Variants in MXRA5 observed in about 807,000 individuals in gnomAD.
MXRA5 encodes the protein matrix remodeling associated 5.
In MXRA5, 41 loss-of-function variants were observed where a neutral mutation model predicts 112.5. That is an observed-to-expected ratio of 0.36 (90% CI 0.28 to 0.47). MXRA5 has a LOEUF of 0.47. Ranked by LOEUF, MXRA5 falls within the 20% of genes least tolerant of loss-of-function variation. The pLI is 0.99. For missense variants in MXRA5, 2,150 were observed against 2,251.0 expected (o/e 0.96, Z 0.91); for synonymous variants, 862 against 900.8 (o/e 0.96, Z 0.77).
At position 3,311,359 on chromosome X, in the gene MXRA5, C is replaced by T. The variant is rs757631100; in HGVS notation, c.6844G>A (p.Gly2282Arg). The change falls in exon 7 of 7, where the codon GGG becomes AGG. Residue 2282 changes from glycine (G) to arginine (R), a missense_variant. By Grantham distance (125) the Gly-to-Arg change is moderately radical (BLOSUM62 -2). Coordinates refer to ENST00000217939, the MANE Select transcript of MXRA5 (RefSeq NM_015419.4). ...NPEISWSLPD[G>R]SLVNSFMQSD... Reference sequence around the variant, plus strand: ...TGCATGAAGGAGTTCACCAGACTCCCGTCTGGGAGGCTCCAGGAGATCTCG... The same window carrying T: ...TGCATGAAGGAGTTCACCAGACTCCTGTCTGGGAGGCTCCAGGAGATCTCG... The T allele has an allele frequency of 3.3e-6, 4 of 1,211,858 alleles. No homozygotes were observed. The highest frequency in any genetic ancestry group is 4.3e-5 in the Admixed American group (2 of 46,073).
At chrX:3,329,069 G>A (rs1921583755) in intron 4 of MXRA5, among the ~76,000 whole-genome samples, 2 of 100,434 alleles carry the variant, frequency 2.0e-5, no homozygotes, top group South Asian at 1.0e-3. Flanking sequence ...AACGAAGGAA[G>A]GAAGGAAGGA....
chrX:3,311,942 G>A (rs1475849901), intron 6 of MXRA5, among the ~76,000 whole-genome samples: 3 of 112,471 alleles, frequency 2.7e-5, no homozygotes, highest in Non-Finnish European at 5.6e-5. Flanking sequence ...CATTACAGAG[G>A]TCATTGTAAC....
At chrX:3,344,279 T>A (rs1197331584) in intron 1 of MXRA5, among the ~76,000 whole-genome samples, 2 of 112,114 alleles carry the variant, frequency 1.8e-5, no homozygotes, top group African/African-American at 6.5e-5. Flanking sequence ...ATATTGCATA[T>A]ATTTGAATTT....
chrX:3,318,106 GC>G (rs776621935), intron 5 of MXRA5, 103 bp from the exon 6 acceptor site: 38 of 652,535 alleles, frequency 5.8e-5, no homozygotes, highest in Non-Finnish European at 7.1e-5. Context: ...TAACACCCAG[GC>G]AGCAAAAGCA....
At chrX:3,316,245 C>T (rs112527542) in intron 6 of MXRA5, among the ~76,000 whole-genome samples, 1 of 87,546 alleles carries the variant, frequency 1.1e-5, no homozygotes. Context: ...ACCCGGGAGG[C>T]GGAGCTTGCA....
At position 3,322,899 on chromosome X, in the gene MXRA5, G is replaced by A. The variant is rs1316614915; in HGVS notation, c.2786C>T (p.Thr929Ile). 1 of 1,211,285 alleles carries A rather than the reference G, an allele frequency of 8.3e-7. No homozygotes were observed. Among genetic ancestry groups the A allele is most frequent in the South Asian group, 1.8e-5 (1 of 56,923 alleles). ...EPSPTLHTLDTVYEKPTHEET... is the reference protein window; with the variant it reads ...EPSPTLHTLDIVYEKPTHEET... ...TTCATGGGTGGGCTTTTCATAGACT[G>A]TGTCTAATGTGTGCAGAGTAGGAGA... The change falls in exon 5 of 7, where the codon ACA becomes ATA. Residue 929 changes from threonine to isoleucine, a missense_variant. Physicochemically the swap from Thr to Ile is moderately conservative, Grantham distance 89. Around this residue, in one of 6 missense-constraint regions of MXRA5, gnomAD observed 1,485 missense variants for 1,471.6 expected, o/e 1.01. Transcript: ENST00000217939.
intron 2 of MXRA5, among the ~76,000 whole-genome samples, chrX:3,336,090 C>T (rs901371889): frequency 3.1e-4 from 35 of 111,764 alleles, no homozygotes; most frequent in Non-Finnish European, 5.5e-4. Context: ...AGATGAGTGA[C>T]GGCATTAGAT....
chrX:3,336,768 G>A (rs1921793028), intron 2 of MXRA5, among the ~76,000 whole-genome samples: 1 of 112,394 alleles, frequency 8.9e-6, no homozygotes, highest in Admixed American at 9.5e-5. Flanking sequence ...GATGTAGTGG[G>A]CTCTGAAAAC....
chrX:3,335,727 G>A (rs1028732667), intron 2 of MXRA5, among the ~76,000 whole-genome samples: 1 of 112,255 alleles, frequency 8.9e-6, no homozygotes, highest in Non-Finnish European at 1.9e-5. Flanking sequence ...AAATGCCGAC[G>A]ACAGAGTAGA....
At position 3,321,765 on chromosome X, in the gene MXRA5, G is replaced by A. The variant is rs770187018; in HGVS notation, c.3920C>T (p.Pro1307Leu). The A allele has an allele frequency of 5.0e-6, 6 of 1,210,747 alleles. No individual in the cohort carries two copies. The South Asian group carries it at 1.1e-4, about 21-fold the overall frequency. Residue 1307 changes from proline to leucine, a missense_variant, in exon 5 of 7, where the codon CCT (proline) becomes CTT (leucine). Pro to Leu is a moderately conservative substitution (Grantham distance 98, BLOSUM62 -3). Coordinates refer to ENST00000217939, the MANE Select transcript of MXRA5 (RefSeq NM_015419.4). ...TTTRKIYSSY[P>L]KVQETLPVTY... Reference sequence around the variant, plus strand: ...GACTGGAAGTGTCTCTTGGACTTTAGGGTAAGATGAATATATTTTTCTGGT... The same window carrying A: ...GACTGGAAGTGTCTCTTGGACTTTAAGGTAAGATGAATATATTTTTCTGGT...
intron 4 of MXRA5, among the ~76,000 whole-genome samples, chrX:3,326,311 A>T (rs193047836): frequency 0.02 from 1,647 of 83,185 alleles, 53 homozygotes; most frequent in African/African-American, 0.067. Flanking sequence ...ATAATATATA[A>T]TTTGTATATA....
rs1247870080 is a variant in MXRA5 at position 3,320,621 on chromosome X, A to T, written c.5064T>A (p.Thr1688=). ...MSKPSIPSKF[T]DRRTDQFNGY... ...CATTGAATTGGTCAGTTCTTCGGTCAGTAAACTTACTAGGAATGCTGGGTT... is the reference window on the plus strand; with the variant it reads ...CATTGAATTGGTCAGTTCTTCGGTCTGTAAACTTACTAGGAATGCTGGGTT... The change falls in exon 5 of 7, where the codon ACT becomes ACA. Residue 1688 remains threonine (T), a synonymous_variant. Coordinates refer to ENST00000217939, the MANE Select transcript of MXRA5 (RefSeq NM_015419.4). 2 of 1,210,503 alleles carry T rather than the reference A, an allele frequency of 1.7e-6. No individual in the cohort carries two copies. Among genetic ancestry groups the T allele is most frequent in the African/African-American group, 3.5e-5 (2 of 57,341 alleles).
At chrX:3,341,657 G>T (rs1184600480) in intron 2 of MXRA5, among the ~76,000 whole-genome samples, 1 of 66,701 alleles carries the variant, frequency 1.5e-5, no homozygotes, top group Non-Finnish European at 2.7e-5. Context: ...TATATAATAT[G>T]TATATTTACA....
In MXRA5 at chrX:3,321,154, G is replaced by A. The variant is rs189020148; in HGVS notation, c.4531C>T (p.Pro1511Ser). 1 of 1,210,228 alleles carries A rather than the reference G, an allele frequency of 8.3e-7. No individual in the cohort carries two copies. Among genetic ancestry groups the A allele is most frequent in the Admixed American group, 2.2e-5 (1 of 45,773 alleles). The change falls in exon 5 of 7, where the codon CCA becomes TCA. Residue 1511 changes from proline to serine, a missense_variant. This residue lies in a region of MXRA5 where 1,485 missense variants were observed against 1,471.6 expected (regional missense o/e 1.01). Coordinates refer to ENST00000217939, the MANE Select transcript of MXRA5 (RefSeq NM_015419.4). ...MSLGQTTTTK[P>S]ALPSPRISQA... Reference sequence around the variant, plus strand: ...GATATTCTTGGACTGGGAAGTGCTGGCTTAGTGGTGGTGGTTTGTCCCAAA... The same window carrying A: ...GATATTCTTGGACTGGGAAGTGCTGACTTAGTGGTGGTGGTTTGTCCCAAA...
At position 3,343,669 on chromosome X, in the gene MXRA5, T is replaced by C. The variant is rs142434425; in HGVS notation, c.165A>G (p.Lys55=). Residue 55 remains lysine, a synonymous_variant, in exon 2 of 7, where the codon AAA becomes AAG. Transcript: ENST00000217939. ...ACCCCAAATTGATTCTTTCCACGTGTTTAGCAATGCCAGCGGGCACGGAAG... is the reference window on the plus strand; with the variant it reads ...ACCCCAAATTGATTCTTTCCACGTGCTTAGCAATGCCAGCGGGCACGGAAG... ...SLASVPAGIA[K]HVERINLGFN... is the part of the protein sequence containing the mutation. 2.4e-4 allele frequency: 294 copies of C among 1,210,074 alleles called. 2 individuals are homozygous for C. The African/African-American group carries it at 4.6e-3, about 19-fold the overall frequency.
rs748051788 is a variant in MXRA5, at chrX:3,309,883, G to T, written c.8320C>A (p.His2774Asn). The change falls in exon 7 of 7, where the codon CAT becomes AAT. Residue 2774 changes from histidine (H) to asparagine (N), a missense_variant. Coordinates refer to ENST00000217939, the MANE Select transcript of MXRA5 (RefSeq NM_015419.4). ...CGAGCCTGAACCCCTGCCTTCAGATGCGACTTATCCGGTAACTCCCACGTG... is the reference window on the plus strand; with the variant it reads ...CGAGCCTGAACCCCTGCCTTCAGATTCGACTTATCCGGTAACTCCCACGTG... Reference protein sequence around the residue: ...DITWELPDKSHLKAGVQARLY... With the variant: ...DITWELPDKSNLKAGVQARLY... 1.7e-6 allele frequency: 2 copies of T among 1,211,718 alleles called. No individual in the cohort carries two copies. The highest frequency in any genetic ancestry group is 2.2e-6 in the Non-Finnish European group (2 of 895,539).
At position 3,330,661 on chromosome X, in the gene MXRA5, C is replaced by T. The variant is rs1364941673; in HGVS notation, c.301G>A (p.Asp101Asn). The T allele has an allele frequency of 8.3e-7, 1 of 1,206,077 alleles. No individual in the cohort carries two copies. Among genetic ancestry groups the T allele is most frequent in the Non-Finnish European group, 1.1e-6 (1 of 893,872 alleles). ...GGGTTTACCTGAAGAGAGCTGAGGT[C>T]TCTTAAAGCTCCATCGGGGATGCTT... ...IPSIPDGALR[D>N]LSSLQVFKFS... The change falls in exon 3 of 7, where the codon GAC becomes AAC. Residue 101 changes from aspartate to asparagine, a missense_variant. By Grantham distance (23) the Asp-to-Asn change is conservative. Around this residue, in one of 6 missense-constraint regions of MXRA5, gnomAD observed 386 missense variants for 411.0 expected, o/e 0.94. Coordinates refer to ENST00000217939, the MANE Select transcript of MXRA5 (RefSeq NM_015419.4).
chrX:3,341,477 TA>T lies in MXRA5; in HGVS notation c.188+2168del, dbSNP rs1232086241. 2.4e-4 allele frequency among the ~76,000 whole-genome samples: 4 copies of T among 16,577 alleles called. 1 individual carries two copies. Among genetic ancestry groups the T allele is most frequent in the Non-Finnish European group, 3.1e-4 (4 of 12,963 alleles). The allele number at this position is 16,577 out of a possible 115,157, so 14.4% of individuals were successfully genotyped here. ...ATATATGTAATATATATTATTATTA[TA>T]TATAATATATGTAATATATATTATT... is the stretch of plus-strand genomic sequence containing the variant. On this transcript the variant is annotated intron_variant, in intron 2 of 6. Transcript: ENST00000217939.
intron 2 of MXRA5, among the ~76,000 whole-genome samples, chrX:3,338,638 G>A (rs1423576602): frequency 1.9e-5 from 2 of 106,049 alleles, no homozygotes; most frequent in East Asian, 5.7e-4. Flanking sequence ...ATAGATGATA[G>A]ACAGATAGAT....
Sources: gnomAD v4.1 joint callset for allele counts (sites outside exome capture counted in the v4.1 genomes callset) on GRCh38, gnomAD v4.1.1 for gene constraint, gnomAD v4.1.1 regional missense constraint, MANE v1.5 for transcripts, NCBI Gene and HGNC (gene_info 2026-07-23, HGNC 2026-07-21) for gene names.